DBNL: variants seen among roughly 807,000 people sequenced by gnomAD.
The protein encoded by DBNL is drebrin like, also known as drebrin-like protein.
In DBNL, 35 loss-of-function variants were observed where a neutral mutation model predicts 62.2. That is an observed-to-expected ratio of 0.56 (90% CI 0.43 to 0.75). The LOEUF (loss-of-function observed/expected upper bound fraction) is 0.75. Ranked by LOEUF, DBNL falls within the 30% of genes least tolerant of loss-of-function variation. The probability of loss-of-function intolerance (pLI) is 0.00; values close to 1 mark genes in which losing one functional copy is unlikely to be tolerated. For synonymous variants in DBNL, 197 were observed against 218.0 expected, an observed-to-expected ratio of 0.90 and a Z score of 0.85; for missense variants, 495 against 578.4, an observed-to-expected ratio of 0.86 and a Z score of 1.48.
Position 44,060,087 on chromosome 7 carries a change from C to T in DBNL, c.1087C>T (p.His363Tyr). ...TGCTGGCTCTGAGCACATTGACCAC[C>T]ACATTCAGGGCCAGGGGCTCAGTGG... ...QGAGSEHIDH[H>Y]IQGQGLSGQG... The change falls in exon 12 of 13, where the codon CAC (histidine) becomes TAC (tyrosine). Residue 363 changes from histidine (H) to tyrosine (Y), a missense_variant. His to Tyr is a moderately conservative substitution (Grantham distance 83, BLOSUM62 2). Coordinates refer to ENST00000448521, the MANE Select transcript of DBNL (RefSeq NM_001014436.3). This position sits in a 1 kb window ranked among gnomAD's most constrained non-coding sequence, Gnocchi z 6.3. The T allele has an allele frequency of 6.2e-7, 1 of 1,613,782 alleles. No individual in the cohort carries two copies. Among genetic ancestry groups the T allele is most frequent in the Non-Finnish European group, 8.5e-7 (1 of 1,179,934 alleles).
In DBNL at chr7:44,065,747, C is replaced by T. The variant is rs2096158857; in HGVS notation, c.*4831C>T. ...TGCTTAAAATAGCCCCACGCATCCACCAGCTCCTGGCCTGGGTTCAGGTGG... is the reference window on the plus strand; with the variant it reads ...TGCTTAAAATAGCCCCACGCATCCATCAGCTCCTGGCCTGGGTTCAGGTGG... On this transcript the variant is annotated 3_prime_UTR_variant, in exon 13 of 13. Coordinates refer to ENST00000448521, the MANE Select transcript of DBNL (RefSeq NM_001014436.3). 6 of 605,254 alleles carry T rather than the reference C, an allele frequency of 9.9e-6. No homozygotes were observed. In the Admixed American group the frequency reaches 1.6e-4, roughly 16 times the overall value. The allele number at this position is 605,254 out of a possible 1,614,324, so 37.5% of individuals were successfully genotyped here. A position where few individuals can be genotyped will look rare whatever the true frequency, so the allele number is the denominator to read the frequency against.
rs771922578 is a variant in DBNL, at chr7:44,056,738, A to C, written c.328-19A>C. On this transcript the variant is annotated intron_variant, in intron 4 of 12. Coordinates refer to ENST00000448521, the MANE Select transcript of DBNL (RefSeq NM_001014436.3). ...CTGGGCTTGCAAAGCCCTTCTTTCA[A>C]GTGCTGCTCCTGCTGCAGGGGGCCC... The C allele has an allele frequency of 6.2e-7, 1 of 1,613,608 alleles. No homozygotes were observed.
At position 44,050,249 on chromosome 7, in the gene DBNL, C is replaced by T; in HGVS notation, c.108C>T (p.Asn36=). ...GGGCTCTCTTTACCTATGAAGGCAA[C>T]AGCAATGACATCCGCGTGGCTGGCA... ...TDWALFTYEG[N]SNDIRVAGTG... is the part of the protein sequence containing the mutation. The change falls in exon 2 of 13, where the codon AAC becomes AAT. Residue 36 remains asparagine (N), a synonymous_variant. Transcript: ENST00000448521. 1.9e-6 allele frequency: 3 copies of T among 1,613,766 alleles called. No individual in the cohort carries two copies. Among genetic ancestry groups the T allele is most frequent in the South Asian group, 1.1e-5 (1 of 91,074 alleles).
At chr7:44,053,882 T>C (rs1034752116) in intron 4 of DBNL, among the ~76,000 whole-genome samples, 21 of 151,986 alleles carry the variant, frequency 1.4e-4, no homozygotes, top group African/African-American at 4.8e-4. Flanking sequence ...TTCACTGTGT[T>C]AGCCAGGATG....
At position 44,065,501 on chromosome 7, in the gene DBNL, C is replaced by A. The variant is rs770104295; in HGVS notation, c.*4585C>A. On this transcript the variant is annotated 3_prime_UTR_variant, in exon 13 of 13. Transcript: ENST00000448521. ...CTGGTTCCATGTGCTCTCGCCGTGCCGGACCATCACGAGGCGGTGAGTGGC... is the reference window on the plus strand; with the variant it reads ...CTGGTTCCATGTGCTCTCGCCGTGCAGGACCATCACGAGGCGGTGAGTGGC... 4 of 1,613,928 alleles carry A rather than the reference C, an allele frequency of 2.5e-6. No individual in the cohort carries two copies. The highest frequency in any genetic ancestry group is 8.5e-7 in the Non-Finnish European group (1 of 1,180,046).
Position 44,065,581 on chromosome 7 carries a change from C to CGG in DBNL, c.*4665_*4666insGG. On this transcript the variant is annotated 3_prime_UTR_variant, in exon 13 of 13. Transcript: ENST00000448521. ...CTGGACGGGGACGGCTGCTTCCCAA[C>CGG]ACTCCCAGCTTTATAATAGTGTCTT... 6.5e-7 allele frequency: 1 copy of CGG among 1,547,232 alleles called. No homozygotes were observed. Among genetic ancestry groups the CGG allele is most frequent in the South Asian group, 1.1e-5 (1 of 89,802 alleles).
intron 1 of DBNL, among the ~76,000 whole-genome samples, chr7:44,045,511 C>G (rs2096115659): frequency 6.6e-6 from 1 of 152,240 alleles, no homozygotes; most frequent in South Asian, 2.1e-4. Context: ...TCACTTTCCT[C>G]TTTGCTTAAA....
At chr7:44,047,991 A>C (rs1183654667) in intron 1 of DBNL, among the ~76,000 whole-genome samples, 1 of 139,828 alleles carries the variant, frequency 7.2e-6, no homozygotes, top group Admixed American at 8.2e-5. Context: ...ATCTTGGCTC[A>C]CTGCAACCTC....
Position 44,060,479 on chromosome 7 carries a change from TGGGTGGAGGCCTTGGAGAATG to T in DBNL, c.1154-286_1154-266del, listed in dbSNP as rs945969288. ...TGGATGCTGGTTCACCAGGCGTCCC[TGGGTGGAGGCCTTGGAGAATG>T]GGGTGGAGGCCCCCTACGGAGCAGG... is the stretch of plus-strand genomic sequence containing the variant. On this transcript the variant is annotated intron_variant, in intron 12 of 12. Coordinates refer to ENST00000448521, the MANE Select transcript of DBNL (RefSeq NM_001014436.3). The surrounding 1 kb of genome is among the most constrained non-coding windows in gnomAD (Gnocchi z 6.3). 2.0e-5 allele frequency among the ~76,000 whole-genome samples: 3 copies of T among 151,996 alleles called. No individual in the cohort carries two copies. Among genetic ancestry groups the T allele is most frequent in the Non-Finnish European group, 2.9e-5 (2 of 67,962 alleles).
Position 44,061,237 on chromosome 7 carries a change from A to G in DBNL, c.*321A>G. The G allele has an allele frequency of 3.1e-6, 1 of 327,190 alleles. No individual in the cohort carries two copies. Among genetic ancestry groups the G allele is most frequent in the Middle Eastern group, 9.0e-4 (1 of 1,106 alleles). 20.3% of individuals were successfully genotyped at this position (327,190 alleles called of 1,614,324 possible). A position where few individuals can be genotyped will look rare whatever the true frequency, so the allele number is the denominator to read the frequency against. ...CAAGCTGCGGGGAAGGGTCCTGAGC[A>G]GGGGCATCTGGGAGGCTCTGGCTGC... On this transcript the variant is annotated 3_prime_UTR_variant, in exon 13 of 13. Transcript: ENST00000448521.
rs1009887843 is a variant in DBNL at position 44,068,597 on chromosome 7, A to G, written c.*7681A>G. Reference sequence around the variant, plus strand: ...AAAACCAGGAAAATCTTAACATGGGAGAAAAGAAGATGATCAATACATGCC... The same window carrying G: ...AAAACCAGGAAAATCTTAACATGGGGGAAAAGAAGATGATCAATACATGCC... On this transcript the variant is annotated 3_prime_UTR_variant, in exon 13 of 13. Coordinates refer to ENST00000448521, the MANE Select transcript of DBNL (RefSeq NM_001014436.3). 6.6e-6 allele frequency: 1 copy of G among 152,234 alleles called. No individual in the cohort carries two copies. The highest frequency in any genetic ancestry group is 2.4e-5 in the African/African-American group (1 of 41,466). The allele number at this position is 152,234 out of a possible 1,614,324, so 9.4% of individuals were successfully genotyped here. A position where few individuals can be genotyped will look rare whatever the true frequency, so the allele number is the denominator to read the frequency against.
chr7:44,046,889 C>T (rs1162217762), intron 1 of DBNL, among the ~76,000 whole-genome samples: 1 of 152,192 alleles, frequency 6.6e-6, no homozygotes, highest in East Asian at 1.9e-4. Flanking sequence ...TTTCATTTAC[C>T]ACACTGTGGC....
intron 4 of DBNL, 33 bp downstream of exon 4, chr7:44,052,974 C>G: frequency 6.2e-7 from 1 of 1,601,106 alleles, no homozygotes; most frequent in Non-Finnish European, 8.5e-7. Context: ...TCACTGGGAA[C>G]AGGCCTCACA....
At position 44,058,419 on chromosome 7, in the gene DBNL, C is replaced by T. The variant is rs1027312346; in HGVS notation, c.705-13C>T. The T allele has an allele frequency of 2.7e-5, 44 of 1,614,060 alleles. No homozygotes were observed. Among genetic ancestry groups the T allele is most frequent in the Non-Finnish European group, 3.5e-5 (41 of 1,180,020 alleles). On this transcript the variant is annotated splice_polypyrimidine_tract_variant and intron_variant, in intron 7 of 12. Coordinates refer to ENST00000448521, the MANE Select transcript of DBNL (RefSeq NM_001014436.3). ...TGTGCCTCAGCTGTGCCCCACCCGG[C>T]CCTTCCCAGCAGGACGTGGGAGCAG...
Position 44,064,806 on chromosome 7 carries a change from G to A in DBNL, c.*3890G>A. Reference sequence around the variant, plus strand: ...GCTGGGGCTGCTGCCCACCCACCCTGCCCAGGCTCCTGAAGGTGGCCTCAC... The same window carrying A: ...GCTGGGGCTGCTGCCCACCCACCCTACCCAGGCTCCTGAAGGTGGCCTCAC... On this transcript the variant is annotated 3_prime_UTR_variant, in exon 13 of 13. Transcript: ENST00000448521. The A allele has an allele frequency of 1.3e-6, 1 of 787,428 alleles. No homozygotes were observed. The highest frequency in any genetic ancestry group is 2.0e-6 in the Non-Finnish European group (1 of 499,616). 48.8% of individuals were successfully genotyped at this position (787,428 alleles called of 1,614,324 possible). A position where few individuals can be genotyped will look rare whatever the true frequency, so the allele number is the denominator to read the frequency against.
In DBNL at chr7:44,064,106, A is replaced by T. The variant is rs1160465318; in HGVS notation, c.*3190A>T. 6.5e-6 allele frequency: 1 copy of T among 152,852 alleles called. No individual in the cohort carries two copies. Among genetic ancestry groups the T allele is most frequent in the Non-Finnish European group, 1.5e-5 (1 of 68,528 alleles). The allele number at this position is 152,852 out of a possible 1,614,324, so 9.5% of individuals were successfully genotyped here. A position where few individuals can be genotyped will look rare whatever the true frequency, so the allele number is the denominator to read the frequency against. Reference sequence around the variant, plus strand: ...GACTCAACAAGCTTTAAGGTCATTCAGATGCTAATTTAGACTGCCCTTGTG... The same window carrying T: ...GACTCAACAAGCTTTAAGGTCATTCTGATGCTAATTTAGACTGCCCTTGTG... On this transcript the variant is annotated 3_prime_UTR_variant, in exon 13 of 13. Coordinates refer to ENST00000448521, the MANE Select transcript of DBNL (RefSeq NM_001014436.3).
rs1253613830 is a variant in DBNL, at chr7:44,059,939, G to C, written c.1048-109G>C. The C allele has an allele frequency of 5.4e-6, 6 of 1,116,476 alleles. No individual in the cohort carries two copies. The highest frequency in any genetic ancestry group is 5.2e-5 in the East Asian group (2 of 38,438). The allele number at this position is 1,116,476 out of a possible 1,614,324, so 69.2% of individuals were successfully genotyped here. On this transcript the variant is annotated intron_variant, in intron 11 of 12. Transcript: ENST00000448521. This position sits in a 1 kb window ranked among gnomAD's most constrained non-coding sequence, Gnocchi z 4.1. ...CAGCAGCCCAGCCCCCGAGCCTGTAGACTGCTTGCCCTCTGCGTACTCCCA... is the reference window on the plus strand; with the variant it reads ...CAGCAGCCCAGCCCCCGAGCCTGTACACTGCTTGCCCTCTGCGTACTCCCA...
chr7:44,057,692 G>A (rs2096138984), intron 5 of DBNL, 90 bp from the exon 6 acceptor site: 2 of 1,452,742 alleles, frequency 1.4e-6, no homozygotes, highest in African/African-American at 1.4e-5. Flanking sequence ...CACCTGTGCT[G>A]TCGCAAGTTT....
intron 3 of DBNL, among the ~76,000 whole-genome samples, chr7:44,052,661 G>T (rs925094142): frequency 5.9e-5 from 9 of 151,914 alleles, no homozygotes; most frequent in Non-Finnish European, 2.9e-5. Flanking sequence ...AGCGAAAGCC[G>T]GTAGCCATCC....
Sources: gnomAD v4.1 joint callset for allele counts (sites outside exome capture counted in the v4.1 genomes callset) on GRCh38, gnomAD v4.1.1 for gene constraint, Gnocchi (gnomAD v3.1) non-coding constraint, MANE v1.5 for transcripts, NCBI Gene and HGNC (gene_info 2026-07-23, HGNC 2026-07-21) for gene names.